Variants in GPATCH2 observed in about 807,000 individuals in gnomAD.
GPATCH2 encodes G-patch domain containing 2.
GPATCH2 carries 51 observed loss-of-function variants against 58.0 expected under a neutral mutation model. The ratio of observed to expected loss-of-function variants is 0.88; its 90% CI spans 0.70 to 1.11. GPATCH2 has a LOEUF of 1.11. Ranked by LOEUF, GPATCH2 falls within the 50% of genes most tolerant of loss-of-function variation. GPATCH2 has a pLI of 0.00. For missense variants in GPATCH2, 625 were observed against 652.2 expected (o/e 0.96, Z 0.45); for synonymous variants, 222 against 218.5 (o/e 1.02, Z -0.14).
At chr1:217,594,186 C>G (rs1667716352) in intron 5 of GPATCH2, among the ~76,000 whole-genome samples, 1 of 152,014 alleles carries the variant, frequency 6.6e-6, no homozygotes, top group Non-Finnish European at 1.5e-5. Context: ...ACACATTTAA[C>G]TCATAATTTT....
At chr1:217,519,099 A>C (rs936591821) in intron 5 of GPATCH2, among the ~76,000 whole-genome samples, 2 of 152,276 alleles carry the variant, frequency 1.3e-5, no homozygotes, top group Non-Finnish European at 2.9e-5. Context: ...ATTTTAATTA[A>C]TAGACATTAA....
intron 5 of GPATCH2, among the ~76,000 whole-genome samples, chr1:217,567,829 A>C (rs1666322889): frequency 6.6e-6 from 1 of 152,214 alleles, no homozygotes. Context: ...TCAAAACATT[A>C]TTTATGGCCA....
chr1:217,609,512 A>C (rs1467910750), intron 5 of GPATCH2: 7 of 984,172 alleles, frequency 7.1e-6, no homozygotes, highest in Non-Finnish European at 8.4e-6. Flanking sequence ...TTTGCAGTAC[A>C]ATGAAAGCTA....
rs529820744 is a variant in GPATCH2, at chr1:217,607,143, G to A, written c.1098+3178C>T. On this transcript the variant is annotated intron_variant, in intron 5 of 9. Coordinates refer to ENST00000366935, the MANE Select transcript of GPATCH2 (RefSeq NM_018040.5). ...ATTGTGGATTCCATATTTTTAAGTCGGCCTGCCTGCTAAAATTTATTTGTT... is the reference window on the plus strand; with the variant it reads ...ATTGTGGATTCCATATTTTTAAGTCAGCCTGCCTGCTAAAATTTATTTGTT... 3.0e-4 allele frequency among the ~76,000 whole-genome samples: 46 copies of A among 152,082 alleles called. 1 individual carries two copies. Among genetic ancestry groups the A allele is most frequent in the African/African-American group, 8.7e-4 (36 of 41,494 alleles).
At chr1:217,466,072 A>C (rs1355655190) in intron 8 of GPATCH2, among the ~76,000 whole-genome samples, 1 of 152,220 alleles carries the variant, frequency 6.6e-6, no homozygotes, top group Admixed American at 6.5e-5. Flanking sequence ...AATGACCTTT[A>C]AATATACAGT....
chr1:217,597,423 G>A (rs958244849), intron 5 of GPATCH2, among the ~76,000 whole-genome samples: 2 of 151,574 alleles, frequency 1.3e-5, no homozygotes, highest in Admixed American at 1.3e-4. Flanking sequence ...TCTTCTATAT[G>A]CAACAGGGTG....
At chr1:217,467,443 A>G (rs1660514195) in intron 8 of GPATCH2, among the ~76,000 whole-genome samples, 1 of 152,196 alleles carries the variant, frequency 6.6e-6, no homozygotes, top group Non-Finnish European at 1.5e-5. Context: ...GCGTACTTAT[A>G]GTAAGTACCA....
intron 5 of GPATCH2, among the ~76,000 whole-genome samples, chr1:217,598,495 C>T (rs540334758): frequency 6.6e-6 from 1 of 151,874 alleles, no homozygotes; most frequent in African/African-American, 2.4e-5. Context: ...GTTGCCCAGG[C>T]TGGATGGAGT....
intron 5 of GPATCH2, among the ~76,000 whole-genome samples, chr1:217,549,608 ACT>A (rs1665250459): frequency 6.6e-6 from 1 of 152,118 alleles, no homozygotes; most frequent in East Asian, 1.9e-4. Context: ...ATACTTAGAG[ACT>A]CTTGTCATTC....
Position 217,448,515 on chromosome 1 carries a change from C to T in GPATCH2, c.1366+734G>A, listed in dbSNP as rs12029874. On this transcript the variant is annotated intron_variant, in intron 9 of 9. Coordinates refer to ENST00000366935, the MANE Select transcript of GPATCH2 (RefSeq NM_018040.5). The stretch of plus-strand genomic sequence containing the variant: ...ACTGACTTTATCTGTGCCTCCCTTA[C>T]CACTGCTCTTGCATGAGACTTTCAA... Among the ~76,000 whole-genome samples the T allele has an allele frequency of 0.012, 1,861 of 152,316 alleles. 100 individuals carry two copies. The East Asian group carries it at 0.13, about 11-fold the overall frequency.
intron 5 of GPATCH2, among the ~76,000 whole-genome samples, chr1:217,562,894 G>T (rs1163642078): frequency 6.6e-6 from 1 of 152,140 alleles, no homozygotes; most frequent in African/African-American, 2.4e-5. Flanking sequence ...CTCTTTTCTA[G>T]TAGTAAACTT....
chr1:217,610,379 C>T lies in GPATCH2; in HGVS notation c.1040G>A (p.Arg347His), dbSNP rs371787079. 4.9e-5 allele frequency: 78 copies of T among 1,602,040 alleles called. No individual in the cohort carries two copies. The highest frequency in any genetic ancestry group is 1.7e-4 in the Middle Eastern group (1 of 5,988). Residue 347 changes from arginine (R) to histidine (H), a missense_variant, in exon 5 of 10, where the codon CGC (arginine) becomes CAC (histidine). Coordinates refer to ENST00000366935, the MANE Select transcript of GPATCH2 (RefSeq NM_018040.5). ...SRRGFQARLS[R>H]LHGMSSKNIK... ...ATTCTTTGAAGACATTCCATGAAGGCGACTGAGTCTAGCTTGGAAACCTGT... is the reference window on the plus strand; with the variant it reads ...ATTCTTTGAAGACATTCCATGAAGGTGACTGAGTCTAGCTTGGAAACCTGT...
chr1:217,487,389 T>G (rs1187876704), intron 8 of GPATCH2, among the ~76,000 whole-genome samples: 1 of 152,100 alleles, frequency 6.6e-6, no homozygotes, highest in Non-Finnish European at 1.5e-5. Flanking sequence ...ATTAATATAG[T>G]TGCTTCTGAC....
intron 6 of GPATCH2, among the ~76,000 whole-genome samples, chr1:217,507,122 A>G (rs1421860157): frequency 6.6e-6 from 1 of 152,204 alleles, no homozygotes; most frequent in East Asian, 1.9e-4. Context: ...GTACACCCTC[A>G]TAAATATCTT....
chr1:217,587,439 G>A (rs1667392858), intron 5 of GPATCH2, among the ~76,000 whole-genome samples: 1 of 152,106 alleles, frequency 6.6e-6, no homozygotes, highest in Non-Finnish European at 1.5e-5. Flanking sequence ...AAATCTCAAA[G>A]TATGGAAGCC....
chr1:217,553,751 T>C (rs1475537157), intron 5 of GPATCH2, among the ~76,000 whole-genome samples: 2 of 152,194 alleles, frequency 1.3e-5, no homozygotes, highest in Non-Finnish European at 2.9e-5. Context: ...AAAATTATTT[T>C]CTCATTTGAG....
chr1:217,614,097 T>C, intron 3 of GPATCH2, 44 bp downstream of exon 3: 2 of 1,038,738 alleles, frequency 1.9e-6, no homozygotes, highest in East Asian at 2.4e-5. Context: ...CACTTTAGAA[T>C]GAAGAAGTTT....
At chr1:217,629,863 C>G (rs1304208284) in intron 1 of GPATCH2, among the ~76,000 whole-genome samples, 1 of 152,154 alleles carries the variant, frequency 6.6e-6, no homozygotes, top group East Asian at 1.9e-4. Context: ...TCAGGTCCAA[C>G]TAGAAATATT....
chr1:217,463,478 G>A lies in GPATCH2; in HGVS notation c.1278-14141C>T, dbSNP rs577248749. ...AGGAAGGCCTTGCTAGCCATGTTTA[G>A]GACTTGGTTTTAAGGCAATGAGAAG... On this transcript the variant is annotated intron_variant, in intron 8 of 9. Coordinates refer to ENST00000366935, the MANE Select transcript of GPATCH2 (RefSeq NM_018040.5). 2.6e-5 allele frequency among the ~76,000 whole-genome samples: 4 copies of A among 151,988 alleles called. No homozygotes were observed. The East Asian group carries it at 7.8e-4, about 30-fold the overall frequency.
Sources: gnomAD v4.1 joint callset for allele counts (sites outside exome capture counted in the v4.1 genomes callset) on GRCh38, gnomAD v4.1.1 for gene constraint, MANE v1.5 for transcripts, NCBI Gene and HGNC (gene_info 2026-07-23, HGNC 2026-07-21) for gene names.